The following ZNRF3 variants were observed in gnomAD, a reference collection of about 807,000 sequenced individuals.
ZNRF3 encodes the protein E3 ubiquitin-protein ligase ZNRF3.
A neutral mutation model predicts 72.5 loss-of-function variants in ZNRF3; 23 were observed. That is an observed-to-expected ratio of 0.32 (90% confidence interval 0.23 to 0.45). ZNRF3 has a LOEUF of 0.45. ZNRF3 is among the 20% of genes least tolerant of loss of function. ZNRF3 has a pLI of 1.00. For missense variants in ZNRF3, 1,169 were observed against 1,272.1 expected, an observed-to-expected ratio of 0.92 and a Z score of 1.23; for synonymous variants, 610 against 545.3, an observed-to-expected ratio of 1.12 and a Z score of -1.65.
intron 1 of ZNRF3, among the ~76,000 whole-genome samples, chr22:28,974,922 T>C (rs1569267208): frequency 6.6e-6 from 1 of 152,236 alleles, no homozygotes; most frequent in South Asian, 2.1e-4. Flanking sequence ...CAGGCAGATA[T>C]GATTTTTAAA....
chr22:28,966,902 C>T lies in ZNRF3; in HGVS notation c.301-20174C>T, dbSNP rs550689332. 6.1e-4 allele frequency among the ~76,000 whole-genome samples: 75 copies of T among 122,042 alleles called. No individual in the cohort carries two copies. In the South Asian group the frequency reaches 0.018, roughly 29 times the overall value. 80.1% of individuals were successfully genotyped at this position (122,042 alleles called of 152,430 possible). ...TTTTTTTTTTTTTGAGATGGAGTCT[C>T]GCTCTGTTGCCCAGGCTGGAGTGCA... On this transcript the variant is annotated intron_variant, in intron 1 of 8. Transcript: ENST00000544604.
intron 2 of ZNRF3, among the ~76,000 whole-genome samples, chr22:29,020,249 CTT>C (rs756716817): frequency 0.066 from 6,027 of 91,626 alleles, 375 homozygotes; most frequent in African/African-American, 0.19. Context: ...CACAACCATC[CTT>C]TTTTTTTTTT....
chr22:29,055,506 C>T lies in ZNRF3; in HGVS notation c.*1884C>T, dbSNP rs1291554344. 6.6e-6 allele frequency: 1 copy of T among 152,244 alleles called. No homozygotes were observed. The highest frequency in any genetic ancestry group is 1.5e-5 in the Non-Finnish European group (1 of 68,040). 9.4% of individuals were successfully genotyped at this position (152,244 alleles called of 1,614,324 possible). Reference sequence around the variant, plus strand: ...GCTAGGATTTGACAAATTCCAACATCAAATGATCAAAACATTTGCCACTGA... The same window carrying T: ...GCTAGGATTTGACAAATTCCAACATTAAATGATCAAAACATTTGCCACTGA... On this transcript the variant is annotated 3_prime_UTR_variant, in exon 9 of 9. Coordinates refer to ENST00000544604, the MANE Select transcript of ZNRF3 (RefSeq NM_001206998.2).
intron 1 of ZNRF3, among the ~76,000 whole-genome samples, chr22:28,887,235 AGTGTGTGTGTGTGT>A (rs1179478685): frequency 4.3e-5 from 4 of 93,092 alleles, no homozygotes; most frequent in Non-Finnish European, 9.0e-5. Flanking sequence ...AGAGAGAGAG[AGTGTGTGTGTGTGT>A]GTGTGTGTGT....
intron 1 of ZNRF3, among the ~76,000 whole-genome samples, chr22:28,976,167 T>C (rs1041296548): frequency 6.6e-6 from 1 of 152,140 alleles, no homozygotes; most frequent in African/African-American, 2.4e-5. Context: ...CTTCATCATT[T>C]ATAAACATAT....
At chr22:28,897,776 C>T (rs928906175) in intron 1 of ZNRF3, among the ~76,000 whole-genome samples, 58 of 152,192 alleles carry the variant, frequency 3.8e-4, no homozygotes, top group Admixed American at 3.5e-3. Flanking sequence ...CTGGGTTCCA[C>T]CAGTGTGTTC....
At chr22:28,912,553 T>C (rs1207659883) in intron 1 of ZNRF3, among the ~76,000 whole-genome samples, 5 of 152,128 alleles carry the variant, frequency 3.3e-5, no homozygotes, top group Non-Finnish European at 7.4e-5. Context: ...AGGCTCGCCT[T>C]AACTTCATTA....
chr22:29,042,644 C>T (rs546472741), intron 3 of ZNRF3, 75 bp downstream of exon 3: 183 of 1,319,246 alleles, frequency 1.4e-4, no homozygotes, highest in African/African-American at 4.3e-4. Context: ...TGGCTTGTCC[C>T]GGTCATGTCA....
At chr22:28,995,384 C>T (rs142146512) in intron 2 of ZNRF3, among the ~76,000 whole-genome samples, 3,873 of 152,174 alleles carry the variant, frequency 0.025, 76 homozygotes, top group African/African-American at 0.059. Flanking sequence ...GCCGAGATCA[C>T]GCTACTGCAC....
At chr22:28,929,871 T>C (rs1370594989) in intron 1 of ZNRF3, among the ~76,000 whole-genome samples, 1 of 152,214 alleles carries the variant, frequency 6.6e-6, no homozygotes, top group Non-Finnish European at 1.5e-5. Context: ...GGATTCAAGC[T>C]CAGGCCTTTG....
Position 29,055,019 on chromosome 22 carries a change from G to C in ZNRF3, c.*1397G>C, listed in dbSNP as rs190306994. On this transcript the variant is annotated 3_prime_UTR_variant, in exon 9 of 9. Transcript: ENST00000544604. ...GACTATCAGATAGTTTACACCCAAA[G>C]GGTAGGTTTTTGTATATTTTTCCAG... 6.5e-6 allele frequency: 1 copy of C among 152,792 alleles called. No homozygotes were observed. The highest frequency in any genetic ancestry group is 2.4e-5 in the African/African-American group (1 of 41,564). The allele number at this position is 152,792 out of a possible 1,614,324, so 9.5% of individuals were successfully genotyped here.
intron 1 of ZNRF3, among the ~76,000 whole-genome samples, chr22:28,931,854 A>G (rs1191561163): frequency 6.6e-6 from 1 of 152,250 alleles, no homozygotes; most frequent in African/African-American, 2.4e-5. Context: ...TGTAAAGAGA[A>G]TATGTGAGTA....
intron 1 of ZNRF3, among the ~76,000 whole-genome samples, chr22:28,924,301 C>A (rs1036176425): frequency 6.6e-6 from 1 of 152,076 alleles, no homozygotes; most frequent in African/African-American, 2.4e-5. Flanking sequence ...TAAAAGACAA[C>A]CTGTTTCTGT....
intron 1 of ZNRF3, among the ~76,000 whole-genome samples, chr22:28,905,215 G>A (rs1287600691): frequency 6.6e-6 from 1 of 152,138 alleles, no homozygotes; most frequent in Admixed American, 6.6e-5. Flanking sequence ...GAGATTATAG[G>A]TATGAGCCAC....
chr22:28,985,378 A>G (rs2035838213), intron 1 of ZNRF3, among the ~76,000 whole-genome samples: 1 of 152,002 alleles, frequency 6.6e-6, no homozygotes, highest in African/African-American at 2.4e-5. Flanking sequence ...CCGGGCTTGG[A>G]ACTGACCTCT....
intron 1 of ZNRF3, among the ~76,000 whole-genome samples, chr22:28,977,406 G>A (rs770976333): frequency 2.0e-5 from 3 of 152,144 alleles, no homozygotes; most frequent in African/African-American, 2.4e-5. Flanking sequence ...AGAATTGTCC[G>A]TTTCTTTGTA....
intron 2 of ZNRF3, among the ~76,000 whole-genome samples, chr22:28,987,614 C>A (rs911580499): frequency 6.6e-6 from 1 of 152,146 alleles, no homozygotes; most frequent in Non-Finnish European, 1.5e-5. Flanking sequence ...TATTAAGTAA[C>A]CTCCAAGAGA....
At chr22:29,031,048 G>GCTCCTGC (rs2036740669) in intron 2 of ZNRF3, 1 of 143,204 alleles carries the variant, frequency 7.0e-6, no homozygotes, top group Admixed American at 7.1e-5. Flanking sequence ...TCTCGCCCCC[G>GCTCCTGC]CTCCTGCCGC....
chr22:29,037,218 G>A (rs903139957), intron 2 of ZNRF3, among the ~76,000 whole-genome samples: 11 of 152,154 alleles, frequency 7.2e-5, no homozygotes, highest in Non-Finnish European at 1.3e-4. Flanking sequence ...TAGAGATGGC[G>A]GTAGGTCCAA....
Sources: allele counts gnomAD v4.1 joint callset (sites outside exome capture counted in the v4.1 genomes callset), GRCh38; gene constraint gnomAD v4.1.1; transcripts MANE v1.5; gene names NCBI Gene and HGNC (gene_info 2026-07-23, HGNC 2026-07-21).